MIR2052HG: variants seen among roughly 807,000 people sequenced by gnomAD.
MIR2052HG encodes the protein MIR2052 host gene.
intron 4 of MIR2052HG, among the ~76,000 whole-genome samples, chr8:74,716,561 T>A (rs1809523473): frequency 6.6e-6 from 1 of 151,972 alleles, no homozygotes; most frequent in Non-Finnish European, 1.5e-5. Flanking sequence ...AATACAAAAA[T>A]TAGCTGGGTG....
chr8:74,677,885 A>G (rs1809071700), intron 2 of MIR2052HG, among the ~76,000 whole-genome samples: 1 of 152,194 alleles, frequency 6.6e-6, no homozygotes, highest in South Asian at 2.1e-4. Flanking sequence ...CAATTTGAAC[A>G]AAACTCTGAT....
intron 4 of MIR2052HG, among the ~76,000 whole-genome samples, chr8:74,716,195 C>T (rs1809519196): frequency 6.6e-6 from 1 of 151,976 alleles, no homozygotes. Flanking sequence ...TCTCCTCTCG[C>T]ACTTATCTCT....
intron 2 of MIR2052HG, among the ~76,000 whole-genome samples, chr8:74,626,309 A>G (rs1049454403): frequency 6.6e-6 from 1 of 152,166 alleles, no homozygotes; most frequent in Non-Finnish European, 1.5e-5. Context: ...CTCATTTCCT[A>G]TACCCCTAGG....
chr8:74,708,767 T>C (rs1563536850), intron 4 of MIR2052HG, among the ~76,000 whole-genome samples: 1 of 151,144 alleles, frequency 6.6e-6, no homozygotes, highest in Non-Finnish European at 1.5e-5. Flanking sequence ...AACTTTAAAA[T>C]AAAAATTTTA....
chr8:74,698,211 A>C (rs2128740550), intron 2 of MIR2052HG, among the ~76,000 whole-genome samples: 1 of 152,266 alleles, frequency 6.6e-6, no homozygotes, highest in South Asian at 2.1e-4. Context: ...CAGATACTTA[A>C]CAGCCAACTT....
chr8:74,663,668 T>C (rs1483769263), intron 2 of MIR2052HG, among the ~76,000 whole-genome samples: 1 of 152,226 alleles, frequency 6.6e-6, no homozygotes, highest in African/African-American at 2.4e-5. Flanking sequence ...CTTTACAAAA[T>C]TGCAGAATCT....
intron 2 of MIR2052HG, among the ~76,000 whole-genome samples, chr8:74,643,518 C>G (rs1443339824): frequency 6.6e-6 from 1 of 152,138 alleles, no homozygotes; most frequent in Non-Finnish European, 1.5e-5. Flanking sequence ...AGCCCTTTCT[C>G]TAAGTCTGTC....
intron 1 of MIR2052HG, among the ~76,000 whole-genome samples, chr8:74,602,877 T>TTTCTTTCTTTTCTTTCTTTCTTTC (rs1808041801): frequency 1.9e-5 from 1 of 53,790 alleles, no homozygotes. Context: ...TTCTTTCTTT[T>TTTCTTTCTTTTCTTTCTTTCTTTC]TTCTATTCAC....
At chr8:74,648,204 C>G (rs542601890) in intron 2 of MIR2052HG, among the ~76,000 whole-genome samples, 1 of 151,972 alleles carries the variant, frequency 6.6e-6, no homozygotes, top group African/African-American at 2.4e-5. Flanking sequence ...TAATTGATAC[C>G]CTGGGTAAGG....
At chr8:74,681,516 T>C (rs928616130) in intron 2 of MIR2052HG, among the ~76,000 whole-genome samples, 1 of 152,172 alleles carries the variant, frequency 6.6e-6, no homozygotes, top group African/African-American at 2.4e-5. Context: ...TTTCAATTTC[T>C]CCTGCAAAAC....
At chr8:74,731,894 G>C (rs269177) in intron 4 of MIR2052HG, among the ~76,000 whole-genome samples, 26,440 of 152,146 alleles carry the variant, frequency 0.17, 2,782 homozygotes, top group Middle Eastern at 0.3. Flanking sequence ...AATAATTATA[G>C]AAGTAGAACC....
At chr8:74,648,905 A>G (rs901325884) in intron 2 of MIR2052HG, among the ~76,000 whole-genome samples, 1 of 152,184 alleles carries the variant, frequency 6.6e-6, no homozygotes, top group African/African-American at 2.4e-5. Flanking sequence ...CTTTCTTTCT[A>G]TGACCTGTTT....
At chr8:74,604,003 T>C in intron 1 of MIR2052HG, 1 of 980,376 alleles carries the variant, frequency 1.0e-6, no homozygotes, top group South Asian at 1.3e-5. Flanking sequence ...GCTTATGTCC[T>C]CTTCCAGTTT....
intron 2 of MIR2052HG, among the ~76,000 whole-genome samples, chr8:74,651,971 G>T (rs1808757822): frequency 6.6e-6 from 1 of 152,132 alleles, no homozygotes; most frequent in Non-Finnish European, 1.5e-5. Context: ...GCATTCACTG[G>T]CAATGATGGT....
intron 4 of MIR2052HG, among the ~76,000 whole-genome samples, chr8:74,711,218 C>G (rs528795411): frequency 1.7e-4 from 26 of 152,278 alleles, no homozygotes; most frequent in Admixed American, 2.0e-4. Flanking sequence ...ATTCTCCTGG[C>G]TCTCTGTGCA....
chr8:74,621,667 C>T (rs1310855688), intron 2 of MIR2052HG, among the ~76,000 whole-genome samples: 2 of 152,100 alleles, frequency 1.3e-5, no homozygotes, highest in African/African-American at 4.8e-5. Flanking sequence ...TCCACCTGGT[C>T]CCATGCTTGA....
chr8:74,667,034 C>G (rs747974721), intron 2 of MIR2052HG, among the ~76,000 whole-genome samples: 1 of 152,180 alleles, frequency 6.6e-6, no homozygotes, highest in Non-Finnish European at 1.5e-5. Flanking sequence ...GGTAGCTGGA[C>G]TGCTCACGTG....
At chr8:74,734,544 C>T (rs996472505) in intron 4 of MIR2052HG, among the ~76,000 whole-genome samples, 2 of 152,184 alleles carry the variant, frequency 1.3e-5, no homozygotes, top group African/African-American at 4.8e-5. Flanking sequence ...GGGAGCATTT[C>T]AAAACAAAGC....
intron 1 of MIR2052HG, among the ~76,000 whole-genome samples, chr8:74,602,411 A>G (rs1159346178): frequency 6.6e-6 from 1 of 152,216 alleles, no homozygotes; most frequent in East Asian, 1.9e-4. Flanking sequence ...AAAACTCATG[A>G]ATAATCCATC....
Sources: allele counts gnomAD v4.1 joint callset (sites outside exome capture counted in the v4.1 genomes callset), GRCh38; gene constraint gnomAD v4.1.1; transcripts MANE v1.5; gene names NCBI Gene and HGNC (gene_info 2026-07-23, HGNC 2026-07-21).